The following LRRC7 variants were observed in gnomAD, a reference collection of about 807,000 sequenced individuals.
The protein encoded by LRRC7 is leucine rich repeat containing 7.
LRRC7 carries 23 observed loss-of-function variants against 175.7 expected under a neutral mutation model. That is an observed-to-expected ratio of 0.13 (90% CI 0.09 to 0.19). The LOEUF (loss-of-function observed/expected upper bound fraction) is 0.19. LRRC7 is among the 10% of genes least tolerant of loss of function. The pLI is 1.00. For missense variants in LRRC7, 1,354 were observed against 1,904.7 expected (o/e 0.71, Z 5.38); for synonymous variants, 685 against 680.9 (o/e 1.01, Z -0.09).
intron 7 of LRRC7, among the ~76,000 whole-genome samples, chr1:69,898,844 A>C (rs932504305): frequency 6.6e-6 from 1 of 152,232 alleles, no homozygotes; most frequent in African/African-American, 2.4e-5. Context: ...AGAGGGTTAA[A>C]AGTTGAGACC....
intron 8 of LRRC7, among the ~76,000 whole-genome samples, chr1:69,939,015 C>A (rs1023009): frequency 0.24 from 11,825 of 50,250 alleles, 1,146 homozygotes; most frequent in East Asian, 0.38. Context: ...ATATATATAT[C>A]TATATATATA....
chr1:69,963,486 G>C (rs144120943), intron 8 of LRRC7, among the ~76,000 whole-genome samples: 51 of 152,280 alleles, frequency 3.3e-4, no homozygotes, highest in Non-Finnish European at 6.6e-4. Context: ...CTTTTTGTAT[G>C]ATATGGCAAA....
chr1:69,888,661 G>C (rs1168288793), intron 7 of LRRC7, among the ~76,000 whole-genome samples: 1 of 152,036 alleles, frequency 6.6e-6, no homozygotes, highest in African/African-American at 2.4e-5. Flanking sequence ...ATTTTTCTAA[G>C]TGAAATAAGC....
chr1:69,673,838 T>C (rs1471589717), intron 1 of LRRC7, among the ~76,000 whole-genome samples: 2 of 152,170 alleles, frequency 1.3e-5, no homozygotes, highest in Non-Finnish European at 2.9e-5. Context: ...TAGTGAATTG[T>C]TTTGGCCCCA....
At chr1:70,025,070 G>T (rs1443079268) in intron 17 of LRRC7, among the ~76,000 whole-genome samples, 1 of 151,992 alleles carries the variant, frequency 6.6e-6, no homozygotes, top group Non-Finnish European at 1.5e-5. Flanking sequence ...ATAAGCACTG[G>T]AGTCAAAAGA....
intron 7 of LRRC7, among the ~76,000 whole-genome samples, chr1:69,861,112 T>C (rs527311698): frequency 6.6e-6 from 1 of 152,140 alleles, no homozygotes; most frequent in South Asian, 2.1e-4. Context: ...AAAGCATATA[T>C]GAAATAATTA....
At chr1:70,091,643 C>T (rs908911085) in intron 25 of LRRC7, among the ~76,000 whole-genome samples, 3 of 152,136 alleles carry the variant, frequency 2.0e-5, no homozygotes, top group Non-Finnish European at 4.4e-5. Context: ...AAATCATTGC[C>T]TGCAATTCTT....
chr1:69,601,907 G>A (rs1647090236), intron 1 of LRRC7, among the ~76,000 whole-genome samples: 1 of 151,998 alleles, frequency 6.6e-6, no homozygotes, highest in Admixed American at 6.5e-5. Context: ...GTTTTGTAAG[G>A]GTACCTCCAC....
chr1:70,077,530 C>G (rs1304440818), intron 24 of LRRC7, among the ~76,000 whole-genome samples: 3 of 152,050 alleles, frequency 2.0e-5, no homozygotes, highest in Admixed American at 6.6e-5. Flanking sequence ...TAACTCAAAC[C>G]AGTTCTCTGA....
At chr1:69,876,815 G>A (rs995859542) in intron 7 of LRRC7, among the ~76,000 whole-genome samples, 1 of 152,114 alleles carries the variant, frequency 6.6e-6, no homozygotes, top group African/African-American at 2.4e-5. Context: ...CATGTACAAG[G>A]AGTCCCTGCT....
intron 4 of LRRC7, among the ~76,000 whole-genome samples, chr1:69,799,838 G>A (rs1484804525): frequency 6.6e-6 from 1 of 151,992 alleles, no homozygotes; most frequent in Non-Finnish European, 1.5e-5. Context: ...GTCCAGACGT[G>A]TTTTCTCTGG....
chr1:70,038,328 C>T lies in LRRC7; in HGVS notation c.2504C>T (p.Ser835Leu), dbSNP rs372385321. ...ENANSNPLLSSKSRSTSSHGR... is the reference protein window; with the variant it reads ...ENANSNPLLSLKSRSTSSHGR... ...GCCAACAGTAATCCTCTCTTAAGTT[C>T]GAAATCTAGAAGCACATCTTCGCAT... Residue 835 changes from serine (S) to leucine (L), a missense_variant, in exon 21 of 27, where the codon TCG becomes TTG. This residue lies in a region of LRRC7 where 1,032 missense variants were observed against 1,227.2 expected (regional missense o/e 0.84). Transcript: ENST00000651989. 1.2e-5 allele frequency: 19 copies of T among 1,613,946 alleles called. No homozygotes were observed. The highest frequency in any genetic ancestry group is 5.3e-5 in the African/African-American group (4 of 74,890).
At chr1:69,622,333 T>C (rs1401918608) in intron 1 of LRRC7, among the ~76,000 whole-genome samples, 2 of 152,222 alleles carry the variant, frequency 1.3e-5, no homozygotes, top group Non-Finnish European at 2.9e-5. Context: ...ATTCCACAAA[T>C]GACTTTGTCT....
At chr1:70,024,311 A>C (rs746065003) in intron 17 of LRRC7, among the ~76,000 whole-genome samples, 1 of 150,932 alleles carries the variant, frequency 6.6e-6, no homozygotes, top group African/African-American at 2.4e-5. Flanking sequence ...ATATATTATA[A>C]TATATTAAAA....
intron 1 of LRRC7, among the ~76,000 whole-genome samples, chr1:69,654,141 A>C (rs749244416): frequency 1.3e-5 from 2 of 151,930 alleles, no homozygotes; most frequent in African/African-American, 2.4e-5. Flanking sequence ...ACAACAAGCA[A>C]AAGCACTATA....
intron 7 of LRRC7, among the ~76,000 whole-genome samples, chr1:69,863,548 C>T (rs1047018176): frequency 7.2e-5 from 11 of 152,030 alleles, no homozygotes; most frequent in Non-Finnish European, 1.2e-4. Context: ...TTCTATGCCC[C>T]GCATTGTGTT....
chr1:69,781,903 G>GAA (rs1673764441), intron 3 of LRRC7, among the ~76,000 whole-genome samples: 2 of 97,560 alleles, frequency 2.1e-5, no homozygotes, highest in African/African-American at 4.0e-5. Flanking sequence ...GGAAGGGAAA[G>GAA]AAAGAAAAAG....
chr1:69,782,718 A>G (rs1375459017), intron 3 of LRRC7, among the ~76,000 whole-genome samples: 1 of 152,166 alleles, frequency 6.6e-6, no homozygotes, highest in Admixed American at 6.5e-5. Flanking sequence ...CAACTACTGA[A>G]AAATTATGAG....
intron 7 of LRRC7, among the ~76,000 whole-genome samples, chr1:69,915,605 T>A (rs1570633816): frequency 6.6e-6 from 1 of 152,116 alleles, no homozygotes; most frequent in Non-Finnish European, 1.5e-5. Context: ...GTCTGAGAAG[T>A]CCTGCCAATA....
Sources: gnomAD v4.1 joint callset for allele counts (sites outside exome capture counted in the v4.1 genomes callset) on GRCh38, gnomAD v4.1.1 for gene constraint, gnomAD v4.1.1 regional missense constraint, MANE v1.5 for transcripts, NCBI Gene and HGNC (gene_info 2026-07-23, HGNC 2026-07-21) for gene names.